The following EPB41L4B variants were observed in gnomAD, a reference collection of about 807,000 sequenced individuals.
The protein encoded by EPB41L4B is erythrocyte membrane protein band 4.1 like 4B, also known as band 4.1-like protein 4B.
Under a neutral mutation model 112.5 loss-of-function variants are expected in EPB41L4B, and 30 were observed. That is an observed-to-expected ratio of 0.27 (90% confidence interval 0.20 to 0.36). The LOEUF (loss-of-function observed/expected upper bound fraction) is 0.36, where lower values mean the gene tolerates loss of function less well. Ranked by LOEUF, EPB41L4B falls within the 10% of genes least tolerant of loss-of-function variation. The probability of loss-of-function intolerance (pLI) is 1.00; values close to 1 mark genes in which losing one functional copy is unlikely to be tolerated. For missense variants in EPB41L4B, 1,024 were observed against 1,133.3 expected (o/e 0.90, Z 1.38); for synonymous variants, 408 against 439.7 (o/e 0.93, Z 0.90).
intron 24 of EPB41L4B, among the ~76,000 whole-genome samples, chr9:109,182,480 A>T (rs1192540545): frequency 6.6e-6 from 1 of 152,234 alleles, no homozygotes; most frequent in Non-Finnish European, 1.5e-5. Flanking sequence ...ATTGGAACTG[A>T]TAGAAGTGGT....
intron 15 of EPB41L4B, among the ~76,000 whole-genome samples, chr9:109,224,248 A>G (rs963935159): frequency 1.3e-5 from 2 of 152,168 alleles, no homozygotes; most frequent in Non-Finnish European, 2.9e-5. Context: ...GAATGTTCAT[A>G]GCAGCATTAT....
At position 109,237,750 on chromosome 9, in the gene EPB41L4B, C is replaced by T. The variant is rs573091064; in HGVS notation, c.1409+5868G>A. On this transcript the variant is annotated intron_variant, in intron 15 of 25. Transcript: ENST00000374566. ...GATGGAGATGAACAAGGTTACCAGCCCTGGTGTGTGTGAGTGGGAGATATG... is the reference window on the plus strand; with the variant it reads ...GATGGAGATGAACAAGGTTACCAGCTCTGGTGTGTGTGAGTGGGAGATATG... Among the ~76,000 whole-genome samples, 5 of 151,934 alleles carry T rather than the reference C, an allele frequency of 3.3e-5. No individual in the cohort carries two copies. The South Asian group carries it at 1.0e-3, about 32-fold the overall frequency.
intron 12 of EPB41L4B, among the ~76,000 whole-genome samples, chr9:109,252,017 A>G (rs1834806872): frequency 6.6e-6 from 1 of 152,234 alleles, no homozygotes; most frequent in African/African-American, 2.4e-5. Flanking sequence ...AGCTTGACAA[A>G]GAAGATGCTA....
intron 1 of EPB41L4B, among the ~76,000 whole-genome samples, chr9:109,284,504 C>T (rs1397561133): frequency 6.6e-6 from 1 of 152,184 alleles, no homozygotes; most frequent in Non-Finnish European, 1.5e-5. Flanking sequence ...CCTTGAACTC[C>T]TGGGCTCAAA....
At chr9:109,256,570 A>C in intron 7 of EPB41L4B, 90 bp from the exon 8 acceptor site, 1 of 1,038,922 alleles carries the variant, frequency 9.6e-7, no homozygotes, top group South Asian at 1.4e-5. Context: ...AACGTTATGC[A>C]GCAATTAAAG....
intron 1 of EPB41L4B, chr9:109,307,370 A>C: frequency 2.7e-6 from 1 of 367,752 alleles, no homozygotes. Flanking sequence ...TCCGACCTTA[A>C]ATTTCCTGCT....
At chr9:109,272,154 T>A (rs1410749009) in intron 2 of EPB41L4B, among the ~76,000 whole-genome samples, 1 of 152,162 alleles carries the variant, frequency 6.6e-6, no homozygotes, top group East Asian at 1.9e-4. Flanking sequence ...GCAAATTTTC[T>A]TGGCTTATGA....
intron 1 of EPB41L4B, among the ~76,000 whole-genome samples, chr9:109,297,744 G>C (rs1171983879): frequency 6.6e-6 from 1 of 152,206 alleles, no homozygotes; most frequent in East Asian, 1.9e-4. Context: ...CTAATAGCCT[G>C]GATGCTTCTT....
chr9:109,288,768 G>T (rs1836407754), intron 1 of EPB41L4B, among the ~76,000 whole-genome samples: 1 of 137,200 alleles, frequency 7.3e-6, no homozygotes, highest in Admixed American at 7.7e-5. Flanking sequence ...GGGTGTGGTG[G>T]TATATGCCTG....
chr9:109,305,844 A>C (rs1466218009), intron 1 of EPB41L4B, among the ~76,000 whole-genome samples: 1 of 152,128 alleles, frequency 6.6e-6, no homozygotes, highest in African/African-American at 2.4e-5. Context: ...GAATCGCTTG[A>C]ATGCGGGAGG....
At position 109,245,077 on chromosome 9, in the gene EPB41L4B, C is replaced by T. The variant is rs140809971; in HGVS notation, c.1345-1395G>A. ...GAAAAGGAATCTGGAGAAAATACCT[C>T]AGTAGCAGGATCTGGGAGCTGACCA... On this transcript the variant is annotated intron_variant, in intron 14 of 25. Transcript: ENST00000374566. 3.1e-3 allele frequency among the ~76,000 whole-genome samples: 479 copies of T among 152,366 alleles called. 1 individual carries two copies. Among genetic ancestry groups the T allele is most frequent in the African/African-American group, 0.011 (455 of 41,584 alleles).
At chr9:109,258,564 G>A (rs182100842) in intron 6 of EPB41L4B, among the ~76,000 whole-genome samples, 69 of 152,298 alleles carry the variant, frequency 4.5e-4, no homozygotes, top group Non-Finnish European at 7.2e-4. Context: ...TTCCCACCCA[G>A]GGAAGCACCA....
intron 1 of EPB41L4B, among the ~76,000 whole-genome samples, chr9:109,315,260 G>GT (rs1254965338): frequency 6.6e-6 from 1 of 152,042 alleles, no homozygotes; most frequent in African/African-American, 2.4e-5. Flanking sequence ...TAGGGCCAGG[G>GT]TTTTTCACTG....
At chr9:109,259,930 T>C (rs780058626) in intron 6 of EPB41L4B, among the ~76,000 whole-genome samples, 36 of 152,046 alleles carry the variant, frequency 2.4e-4, no homozygotes, top group Non-Finnish European at 4.6e-4. Context: ...TAGTGATCCT[T>C]AGAGTCCCAG....
chr9:109,224,900 G>C (rs955407203), intron 15 of EPB41L4B, among the ~76,000 whole-genome samples: 24 of 152,148 alleles, frequency 1.6e-4, no homozygotes, highest in African/African-American at 5.8e-4. Flanking sequence ...CACACAGCAG[G>C]TACCTGCCTG....
intron 15 of EPB41L4B, among the ~76,000 whole-genome samples, chr9:109,219,378 T>G (rs1833495069): frequency 6.6e-6 from 1 of 152,214 alleles, no homozygotes; most frequent in South Asian, 2.1e-4. Context: ...TTCCTTTTTT[T>G]GAGATGGAGT....
chr9:109,194,927 A>G (rs962246895), intron 20 of EPB41L4B, among the ~76,000 whole-genome samples: 1 of 152,156 alleles, frequency 6.6e-6, no homozygotes, highest in Non-Finnish European at 1.5e-5. Flanking sequence ...TAGTCACCAT[A>G]ATATTTTTAA....
At chr9:109,216,647 CAAAA>C (rs10568620) in intron 16 of EPB41L4B, among the ~76,000 whole-genome samples, 9 of 132,578 alleles carry the variant, frequency 6.8e-5, no homozygotes, top group African/African-American at 5.6e-5. Flanking sequence ...GACTCCATCT[CAAAA>C]AAAAAAAAAA....
chr9:109,175,775 A>G (rs1226051023), intron 25 of EPB41L4B, among the ~76,000 whole-genome samples: 2 of 152,146 alleles, frequency 1.3e-5, no homozygotes, highest in Non-Finnish European at 2.9e-5. Context: ...TCTGGCCTTA[A>G]CCCACAACTT....
Sources: gnomAD v4.1 joint callset for allele counts (sites outside exome capture counted in the v4.1 genomes callset) on GRCh38, gnomAD v4.1.1 for gene constraint, MANE v1.5 for transcripts, NCBI Gene and HGNC (gene_info 2026-07-23, HGNC 2026-07-21) for gene names.